The following STK10 variants were observed in gnomAD, a reference collection of about 807,000 sequenced individuals.
The protein encoded by STK10 is serine/threonine-protein kinase 10.
Under a neutral mutation model 113.8 loss-of-function variants are expected in STK10, and 78 were observed. That is an observed-to-expected ratio of 0.69 (90% CI 0.57 to 0.83). The LOEUF (loss-of-function observed/expected upper bound fraction) is 0.83, where lower values mean the gene tolerates loss of function less well. Ranked by LOEUF, STK10 falls within the 40% of genes least tolerant of loss-of-function variation. STK10 has a pLI of 0.00. For missense variants in STK10, 1,109 were observed against 1,280.1 expected (o/e 0.87, Z 2.04); for synonymous variants, 465 against 494.7 (o/e 0.94, Z 0.80).
chr5:172,116,169 CT>C (rs1371414081), intron 4 of STK10, among the ~76,000 whole-genome samples: 3 of 152,200 alleles, frequency 2.0e-5, no homozygotes, highest in African/African-American at 7.2e-5. Flanking sequence ...CAAACTCTGC[CT>C]CCTGGGTTCA....
chr5:172,174,370 C>T (rs534673821), intron 1 of STK10, among the ~76,000 whole-genome samples: 1 of 152,186 alleles, frequency 6.6e-6, no homozygotes, highest in South Asian at 2.1e-4. Context: ...TGGCGTTTCA[C>T]CATATTGGCC....
At chr5:172,071,377 T>C (rs1220495679) in intron 12 of STK10, among the ~76,000 whole-genome samples, 1 of 144,148 alleles carries the variant, frequency 6.9e-6, no homozygotes. Context: ...CCAGGTTCTC[T>C]GGACACAGCA....
intron 2 of STK10, among the ~76,000 whole-genome samples, chr5:172,145,858 A>G (rs1211664965): frequency 6.6e-6 from 1 of 152,190 alleles, no homozygotes; most frequent in Non-Finnish European, 1.5e-5. Context: ...CATTAGTAGC[A>G]TGTCCATGCT....
chr5:172,063,812 T>C (rs1361511103), intron 13 of STK10, among the ~76,000 whole-genome samples: 1 of 152,190 alleles, frequency 6.6e-6, no homozygotes, highest in African/African-American at 2.4e-5. Context: ...CATAGTAAGC[T>C]ATGAATGCTG....
At chr5:172,101,677 G>A (rs114487970) in intron 7 of STK10, among the ~76,000 whole-genome samples, 1 of 152,306 alleles carries the variant, frequency 6.6e-6, no homozygotes, top group African/African-American at 2.4e-5. Flanking sequence ...GAAGGAAGAA[G>A]TAGGGCAGGG....
chr5:172,138,196 A>G (rs1769905898), intron 2 of STK10, among the ~76,000 whole-genome samples: 1 of 152,186 alleles, frequency 6.6e-6, no homozygotes, highest in Non-Finnish European at 1.5e-5. Flanking sequence ...ATCTTGGCTC[A>G]CTGCAACTTC....
chr5:172,098,276 C>A (rs1205465552), intron 7 of STK10, among the ~76,000 whole-genome samples: 2 of 152,170 alleles, frequency 1.3e-5, no homozygotes, highest in Admixed American at 6.5e-5. Context: ...AAATGATAAA[C>A]AAGAGAATTC....
At chr5:172,057,204 C>A in intron 15 of STK10, 145 bp downstream of exon 15, 1 of 1,197,304 alleles carries the variant, frequency 8.4e-7, no homozygotes, top group Non-Finnish European at 1.2e-6. Flanking sequence ...CCTCCTGGGG[C>A]CTCACTGCAG....
At chr5:172,046,356 C>CAAAA (rs34426237) in intron 18 of STK10, among the ~76,000 whole-genome samples, 5 of 123,700 alleles carry the variant, frequency 4.0e-5, no homozygotes, top group Non-Finnish European at 3.3e-5. Flanking sequence ...GACTCTGTCT[C>CAAAA]AAAAAAAAAA....
chr5:172,089,166 C>G (rs1024378902), intron 10 of STK10, among the ~76,000 whole-genome samples: 5 of 152,216 alleles, frequency 3.3e-5, no homozygotes, highest in Non-Finnish European at 7.3e-5. Flanking sequence ...TCCCCCAGCT[C>G]TCCTCCCCTT....
intron 5 of STK10, chr5:172,107,146 G>C: frequency 3.6e-6 from 1 of 277,644 alleles, no homozygotes; most frequent in South Asian, 5.6e-5. Context: ...GTGGGTGGGC[G>C]AGAAGACACC....
intron 1 of STK10, among the ~76,000 whole-genome samples, chr5:172,160,502 G>T (rs1024000794): frequency 6.6e-6 from 1 of 151,066 alleles, no homozygotes; most frequent in Admixed American, 6.6e-5. Flanking sequence ...CTAAAAGCAC[G>T]CTGCTCATCT....
chr5:172,160,436 C>T (rs1410441261), intron 1 of STK10, among the ~76,000 whole-genome samples: 1 of 151,800 alleles, frequency 6.6e-6, no homozygotes, highest in African/African-American at 2.4e-5. Context: ...GATCGCACCA[C>T]TGCACTCCAG....
intron 12 of STK10, among the ~76,000 whole-genome samples, chr5:172,070,553 A>G (rs145653245): frequency 6.6e-6 from 1 of 152,056 alleles, no homozygotes; most frequent in Non-Finnish European, 1.5e-5. Context: ...AATAGTCTCA[A>G]ATCAATGTTC....
chr5:172,070,991 T>G (rs1265922051), intron 12 of STK10, among the ~76,000 whole-genome samples: 1 of 151,854 alleles, frequency 6.6e-6, no homozygotes, highest in Non-Finnish European at 1.5e-5. Flanking sequence ...GCAGATCACC[T>G]GAAATCAGAA....
chr5:172,158,487 C>T lies in STK10; in HGVS notation c.157-1699G>A, dbSNP rs575319333. On this transcript the variant is annotated intron_variant, in intron 1 of 18. Coordinates refer to ENST00000176763, the MANE Select transcript of STK10 (RefSeq NM_005990.4). ...ACTAAAAACACAAAAATTAGCCGGG[C>T]GTGGTGGTGGGCGCCTGTAATCCCA... Among the ~76,000 whole-genome samples the T allele has an allele frequency of 1.4e-3, 218 of 152,108 alleles. 1 individual carries two copies. Among genetic ancestry groups the T allele is most frequent in the East Asian group, 2.5e-3 (13 of 5,178 alleles).
At chr5:172,096,302 C>T in intron 8 of STK10, 124 bp downstream of exon 8, 1 of 1,483,766 alleles carries the variant, frequency 6.7e-7, no homozygotes, top group Non-Finnish European at 9.0e-7. Context: ...AGTCTGCAAC[C>T]TCTGAGCTGG....
intron 3 of STK10, among the ~76,000 whole-genome samples, chr5:172,122,623 ATTTGT>A (rs1203172632): frequency 1.3e-5 from 2 of 151,844 alleles, no homozygotes; most frequent in East Asian, 1.9e-4. Context: ...ATGTTTGTTT[ATTTGT>A]TTTGTTTTGT....
At chr5:172,165,295 A>C (rs902500) in intron 1 of STK10, among the ~76,000 whole-genome samples, 81,162 of 151,388 alleles carry the variant, frequency 0.54, 21,820 homozygotes, top group East Asian at 0.6. Context: ...CCCCAACCCA[A>C]CTCTGCAGAT....
Sources: allele counts gnomAD v4.1 joint callset (sites outside exome capture counted in the v4.1 genomes callset), GRCh38; gene constraint gnomAD v4.1.1; transcripts MANE v1.5; gene names NCBI Gene and HGNC (gene_info 2026-07-23, HGNC 2026-07-21).